Variants in FANCC observed in about 807,000 individuals in gnomAD.
FANCC encodes the protein Fanconi anemia group C protein.
A neutral mutation model predicts 71.3 loss-of-function variants in FANCC; 55 were observed. That is an observed-to-expected ratio of 0.77 (90% CI 0.62 to 0.97). FANCC has a LOEUF of 0.97. FANCC is among the 50% of genes least tolerant of loss of function. The probability of loss-of-function intolerance (pLI) is 0.00; values close to 1 mark genes in which losing one functional copy is unlikely to be tolerated. For missense variants in FANCC, 678 were observed against 670.9 expected (o/e 1.01, Z -0.12); for synonymous variants, 275 against 244.9 (o/e 1.12, Z -1.15).
At chr9:95,201,651 T>C (rs1827813054) in intron 4 of FANCC, among the ~76,000 whole-genome samples, 1 of 152,142 alleles carries the variant, frequency 6.6e-6, no homozygotes, top group Admixed American at 6.5e-5. Context: ...AAACAAAATG[T>C]AGGGAAAAAA....
chr9:95,122,024 A>AT (rs1288249192), intron 10 of FANCC, among the ~76,000 whole-genome samples: 1 of 151,642 alleles, frequency 6.6e-6, no homozygotes, highest in East Asian at 1.9e-4. Flanking sequence ...TGCCCGGCGA[A>AT]TTTTTTTGTA....
At chr9:95,247,027 T>A (rs929533749) in intron 3 of FANCC, among the ~76,000 whole-genome samples, 2 of 152,122 alleles carry the variant, frequency 1.3e-5, no homozygotes, top group African/African-American at 4.8e-5. Flanking sequence ...GGAAAGAGTG[T>A]GTGAGTTATG....
intron 1 of FANCC, among the ~76,000 whole-genome samples, chr9:95,310,894 T>TAAG: frequency 6.6e-6 from 1 of 152,280 alleles, no homozygotes; most frequent in African/African-American, 2.4e-5. Context: ...TAATATGAAC[T>TAAG]GCAGTGCACA....
chr9:95,110,725 C>CT, intron 13 of FANCC: 1 of 750,164 alleles, frequency 1.3e-6, no homozygotes, highest in East Asian at 7.8e-5. Context: ...TCCTCTTTAA[C>CT]TACTAAGATC....
chr9:95,198,546 A>G (rs1827599583), intron 4 of FANCC, among the ~76,000 whole-genome samples: 1 of 152,172 alleles, frequency 6.6e-6, no homozygotes, highest in Non-Finnish European at 1.5e-5. Flanking sequence ...AGAGTTGTCT[A>G]TCGTTTTGGA....
intron 4 of FANCC, among the ~76,000 whole-genome samples, chr9:95,184,489 T>C (rs1826586928): frequency 6.6e-6 from 1 of 152,186 alleles, no homozygotes; most frequent in Admixed American, 6.5e-5. Context: ...CGGCAAAGCA[T>C]TACATGACAA....
chr9:95,167,560 C>T lies in FANCC; in HGVS notation c.521+3519G>A, dbSNP rs536732289. On this transcript the variant is annotated intron_variant, in intron 6 of 14. Coordinates refer to ENST00000289081, the MANE Select transcript of FANCC (RefSeq NM_000136.3). ...AATGATTTGTGTTTAAGTTTTCTGA[C>T]CCTTTCTTCTGTTTGATCAAGTCTA... Among the ~76,000 whole-genome samples, 243 of 152,146 alleles carry T rather than the reference C, an allele frequency of 1.6e-3. 1 individual carries two copies. Among genetic ancestry groups the T allele is most frequent in the African/African-American group, 5.7e-3 (238 of 41,502 alleles).
intron 1 of FANCC, among the ~76,000 whole-genome samples, chr9:95,257,909 C>T (rs1831774711): frequency 6.6e-6 from 1 of 152,176 alleles, no homozygotes; most frequent in African/African-American, 2.4e-5. Flanking sequence ...CACCTCTACA[C>T]AAATAAACTA....
intron 4 of FANCC, among the ~76,000 whole-genome samples, chr9:95,194,857 G>A (rs544512748): frequency 6.6e-6 from 1 of 152,232 alleles, no homozygotes; most frequent in African/African-American, 2.4e-5. Flanking sequence ...TCCTAACACA[G>A]TTGATTTTTC....
At chr9:95,107,041 G>A (rs2071503174) in intron 14 of FANCC, 25 bp downstream of exon 14, 1 of 1,612,896 alleles carries the variant, frequency 6.2e-7, no homozygotes, top group Admixed American at 1.7e-5. Flanking sequence ...TGAGTACTAG[G>A]ATGCTGGACC....
chr9:95,259,292 A>G (rs1288011930), intron 1 of FANCC, among the ~76,000 whole-genome samples: 1 of 152,178 alleles, frequency 6.6e-6, no homozygotes, highest in East Asian at 1.9e-4. Flanking sequence ...TTCAAATTAT[A>G]TACTACAAGG....
Position 95,121,374 on chromosome 9 carries a change from C to T in FANCC, c.996+3712G>A, listed in dbSNP as rs2134795584. Among the ~76,000 whole-genome samples the T allele has an allele frequency of 2.6e-5, 4 of 152,302 alleles. No individual in the cohort carries two copies. The Middle Eastern group carries it at 0.01, about 389-fold the overall frequency. ...AGAGACAGAAGCACTGACATGAGTG[C>T]TTCTGATGATAGGAGAGAATGTGGA... On this transcript the variant is annotated intron_variant, in intron 10 of 14. Transcript: ENST00000289081.
chr9:95,239,823 C>G lies in FANCC; in HGVS notation c.345+826G>C, dbSNP rs75701654. On this transcript the variant is annotated intron_variant, in intron 4 of 14. Transcript: ENST00000289081. ...AAAAGCAGTGAATGTAACGATATCACCAGTCAGACTGATAGACAAAACCAT... is the reference window on the plus strand; with the variant it reads ...AAAAGCAGTGAATGTAACGATATCAGCAGTCAGACTGATAGACAAAACCAT... Among the ~76,000 whole-genome samples, 285 of 152,284 alleles carry G rather than the reference C, an allele frequency of 1.9e-3. 5 individuals are homozygous for G. In the East Asian group the frequency reaches 0.036, roughly 19 times the overall value.
intron 4 of FANCC, among the ~76,000 whole-genome samples, chr9:95,213,079 C>A (rs1828609049): frequency 6.6e-6 from 1 of 152,118 alleles, no homozygotes; most frequent in South Asian, 2.1e-4. Context: ...GTATCTCATT[C>A]TGTTTATTTC....
At chr9:95,312,027 T>C (rs1051981181) in intron 1 of FANCC, among the ~76,000 whole-genome samples, 6 of 152,168 alleles carry the variant, frequency 3.9e-5, no homozygotes, top group African/African-American at 1.4e-4. Flanking sequence ...ACAGTTCTAA[T>C]CCTGTCCTCT....
chr9:95,111,145 G>A (rs1311701345), intron 13 of FANCC: 10 of 1,534,570 alleles, frequency 6.5e-6, no homozygotes, highest in Admixed American at 5.9e-5. Flanking sequence ...TGCAGGGCAC[G>A]CCTTGGAGGA....
chr9:95,137,863 G>C (rs1371759757), intron 7 of FANCC, among the ~76,000 whole-genome samples: 1 of 152,260 alleles, frequency 6.6e-6, no homozygotes. Flanking sequence ...TGAACCCTGA[G>C]TGTGCCGGGC....
intron 1 of FANCC, among the ~76,000 whole-genome samples, chr9:95,296,537 T>A (rs1360479978): frequency 1.3e-5 from 2 of 152,044 alleles, no homozygotes; most frequent in Admixed American, 6.6e-5. Flanking sequence ...TTAATTTGAA[T>A]TTTCCAACAG....
intron 7 of FANCC, among the ~76,000 whole-genome samples, chr9:95,137,964 G>A (rs1032244562): frequency 1.3e-5 from 2 of 152,266 alleles, no homozygotes; most frequent in African/African-American, 4.8e-5. Flanking sequence ...TGGCGGTAAC[G>A]GGAGTGATCC....
Sources: allele counts gnomAD v4.1 joint callset (sites outside exome capture counted in the v4.1 genomes callset), GRCh38; gene constraint gnomAD v4.1.1; transcripts MANE v1.5; gene names NCBI Gene and HGNC (gene_info 2026-07-23, HGNC 2026-07-21).